The following SEMA3C variants were observed in gnomAD, a reference collection of about 807,000 sequenced individuals.
The protein encoded by SEMA3C is semaphorin 3C, also known as semaphorin-3C.
A neutral mutation model predicts 89.4 loss-of-function variants in SEMA3C; 47 were observed. The ratio of observed to expected loss-of-function variants is 0.53; its 90% CI spans 0.42 to 0.67. The LOEUF is 0.67. Among genes scored for constraint, SEMA3C ranks in the 30% least tolerant of loss-of-function variants. SEMA3C has a pLI of 0.00. For synonymous variants in SEMA3C, 310 were observed against 320.2 expected (o/e 0.97, Z 0.34); for missense variants, 839 against 929.1 (o/e 0.90, Z 1.26).
At chr7:80,853,172 T>A (rs893110317) in intron 2 of SEMA3C, among the ~76,000 whole-genome samples, 83 of 152,112 alleles carry the variant, frequency 5.5e-4, no homozygotes, top group Admixed American at 2.0e-3. Flanking sequence ...TTGATGAGAA[T>A]GTAAATTAGT....
chr7:80,773,135 A>C (rs909138688), intron 12 of SEMA3C, among the ~76,000 whole-genome samples: 10 of 152,206 alleles, frequency 6.6e-5, no homozygotes, highest in African/African-American at 2.4e-4. Flanking sequence ...AGTTTTTAAA[A>C]TAGAAATGTT....
At chr7:80,889,592 T>C (rs1040089239) in intron 2 of SEMA3C, among the ~76,000 whole-genome samples, 12 of 152,150 alleles carry the variant, frequency 7.9e-5, no homozygotes, top group African/African-American at 2.9e-4. Context: ...GCATTATTAG[T>C]AAAAGTATAG....
intron 2 of SEMA3C, among the ~76,000 whole-genome samples, chr7:80,886,355 CT>C (rs71893387): frequency 5.1e-3 from 721 of 140,972 alleles, no homozygotes; most frequent in African/African-American, 0.01. Context: ...GGAAATTAAA[CT>C]TTTTTTTTTT....
At chr7:80,812,557 T>C (rs1003686070) in intron 5 of SEMA3C, among the ~76,000 whole-genome samples, 2 of 152,148 alleles carry the variant, frequency 1.3e-5, no homozygotes, top group African/African-American at 4.8e-5. Context: ...CTTGCAGGAA[T>C]TGGTAAGGTT....
chr7:80,776,528 A>G (rs1788552793), intron 12 of SEMA3C, among the ~76,000 whole-genome samples: 1 of 152,182 alleles, frequency 6.6e-6, no homozygotes, highest in African/African-American at 2.4e-5. Context: ...TACAGATTAT[A>G]ACTAATTTTA....
intron 4 of SEMA3C, among the ~76,000 whole-genome samples, chr7:80,823,879 T>C (rs1789811767): frequency 6.6e-6 from 1 of 152,138 alleles, no homozygotes; most frequent in Admixed American, 6.6e-5. Context: ...TATTAACATT[T>C]AGAAATAAAT....
chr7:80,920,998 T>A (rs1274967231), upstream of SEMA3C, among the ~76,000 whole-genome samples: 3 of 152,160 alleles, frequency 2.0e-5, no homozygotes, highest in Non-Finnish European at 4.4e-5. Flanking sequence ...ATCAGCAAAT[T>A]CACGTAAGAT....
At chr7:80,878,484 G>A (rs1791252220) in intron 2 of SEMA3C, among the ~76,000 whole-genome samples, 1 of 152,176 alleles carries the variant, frequency 6.6e-6, no homozygotes, top group Non-Finnish European at 1.5e-5. Context: ...AAGCTATAAA[G>A]GACAAAGTAA....
chr7:80,827,285 T>G (rs1789892635), intron 4 of SEMA3C, 140 bp downstream of exon 4: 1 of 778,558 alleles, frequency 1.3e-6, no homozygotes, highest in African/African-American at 1.8e-5. Context: ...CCTCAAGGTT[T>G]AGGTTTTTAG....
chr7:80,761,681 T>C, intron 13 of SEMA3C, 24 bp from the exon 14 acceptor site: 2 of 1,274,898 alleles, frequency 1.6e-6, no homozygotes, highest in Non-Finnish European at 2.2e-6. Flanking sequence ...AAACAACATG[T>C]TAGTTGCTCA....
chr7:80,865,751 G>C (rs1025388199), intron 2 of SEMA3C, among the ~76,000 whole-genome samples: 15 of 151,978 alleles, frequency 9.9e-5, no homozygotes, highest in Admixed American at 9.2e-4. Context: ...CAGAGATCGC[G>C]CCATTGCACT....
chr7:80,773,417 A>G (rs1788478064), intron 12 of SEMA3C, among the ~76,000 whole-genome samples: 1 of 152,212 alleles, frequency 6.6e-6, no homozygotes, highest in African/African-American at 2.4e-5. Context: ...GTAATCAGGA[A>G]AATCTTCTGG....
At chr7:80,787,815 G>A (rs140535251) in intron 12 of SEMA3C, among the ~76,000 whole-genome samples, 108 of 152,262 alleles carry the variant, frequency 7.1e-4, no homozygotes, top group African/African-American at 2.5e-3. Context: ...TAAATTGAGA[G>A]CAGAGTGAGG....
intron 2 of SEMA3C, among the ~76,000 whole-genome samples, chr7:80,884,620 G>A (rs1037826778): frequency 2.6e-5 from 4 of 152,330 alleles, no homozygotes; most frequent in Admixed American, 2.0e-4. Context: ...AAGTGTTGAT[G>A]CGAGAATGTA....
At chr7:80,805,822 T>G in intron 6 of SEMA3C, 64 bp from the exon 7 acceptor site, 2 of 1,235,408 alleles carry the variant, frequency 1.6e-6, no homozygotes, top group South Asian at 2.8e-5. Context: ...TCTAGGTGAG[T>G]TTATTTATTA....
chr7:80,878,168 G>C (rs1223032742), intron 2 of SEMA3C, among the ~76,000 whole-genome samples: 1 of 152,028 alleles, frequency 6.6e-6, no homozygotes, highest in Non-Finnish European at 1.5e-5. Context: ...ACCTGAGGTC[G>C]GGAGTTTGAG....
chr7:80,794,302 T>C (rs763468076), intron 11 of SEMA3C, among the ~76,000 whole-genome samples: 4 of 152,154 alleles, frequency 2.6e-5, no homozygotes, highest in Non-Finnish European at 4.4e-5. Context: ...ACTGTTTTAC[T>C]ACAATCTCTC....
At chr7:80,749,944 T>A (rs747168340) in intron 16 of SEMA3C, among the ~76,000 whole-genome samples, 3 of 152,164 alleles carry the variant, frequency 2.0e-5, no homozygotes, top group Non-Finnish European at 4.4e-5. Context: ...TAATGGGAAC[T>A]GATACACTTT....
In SEMA3C at chr7:80,841,452, G is replaced by A. The variant is rs553789580; in HGVS notation, c.104-12707C>T. 7.2e-5 allele frequency among the ~76,000 whole-genome samples: 11 copies of A among 152,230 alleles called. No homozygotes were observed. The South Asian group carries it at 1.2e-3, about 17-fold the overall frequency. On this transcript the variant is annotated intron_variant, in intron 2 of 17. Transcript: ENST00000265361. Reference sequence around the variant, plus strand: ...ACCCTTTGATCAAGAATCAGGCTATGCAAACTTTCCTTGCAGACCACTGTA... The same window carrying A: ...ACCCTTTGATCAAGAATCAGGCTATACAAACTTTCCTTGCAGACCACTGTA...
Sources: allele counts gnomAD v4.1 joint callset (sites outside exome capture counted in the v4.1 genomes callset), GRCh38; gene constraint gnomAD v4.1.1; transcripts MANE v1.5; gene names NCBI Gene and HGNC (gene_info 2026-07-23, HGNC 2026-07-21).